SH3RF2: variants seen among roughly 807,000 people sequenced by gnomAD.
SH3RF2 encodes the protein SH3 domain containing ring finger 2, also known as E3 ubiquitin-protein ligase SH3RF2.
In SH3RF2, 43 loss-of-function variants were observed where a neutral mutation model predicts 59.0. The ratio of observed to expected loss-of-function variants is 0.73; its 90% CI spans 0.57 to 0.94. The LOEUF is 0.94. Among genes scored for constraint, SH3RF2 ranks in the 40% least tolerant of loss-of-function variants. The probability of loss-of-function intolerance (pLI) is 0.00; values close to 1 mark genes in which losing one functional copy is unlikely to be tolerated. For missense variants in SH3RF2, 930 were observed against 940.1 expected (o/e 0.99, Z 0.14); for synonymous variants, 391 against 391.5 (o/e 1.00, Z 0.01).
intron 5 of SH3RF2, among the ~76,000 whole-genome samples, chr5:146,021,301 A>T (rs1186256456): frequency 2.0e-5 from 3 of 152,178 alleles, no homozygotes; most frequent in Non-Finnish European, 4.4e-5. Flanking sequence ...TAATTTACAG[A>T]GATAAATTAA....
chr5:146,064,872 A>AAGAAAGAG, downstream of SH3RF2, among the ~76,000 whole-genome samples: 2 of 134,264 alleles, frequency 1.5e-5, no homozygotes, highest in Admixed American at 1.5e-4. Flanking sequence ...AAGAGAAAGA[A>AAGAAAGAG]AAAGAAAAAG....
chr5:145,945,707 C>T (rs1000616671), intron 2 of SH3RF2, among the ~76,000 whole-genome samples: 1 of 152,100 alleles, frequency 6.6e-6, no homozygotes, highest in African/African-American at 2.4e-5. Context: ...GGCAGAGTGA[C>T]TAGATACTTG....
At chr5:146,050,889 G>A (rs975461192) in intron 7 of SH3RF2, among the ~76,000 whole-genome samples, 1 of 152,222 alleles carries the variant, frequency 6.6e-6, no homozygotes, top group African/African-American at 2.4e-5. Context: ...GCCAAGCCAT[G>A]TGGATCTCTG....
intron 5 of SH3RF2, among the ~76,000 whole-genome samples, chr5:146,036,837 A>G (rs1044531302): frequency 1.3e-5 from 2 of 152,212 alleles, no homozygotes; most frequent in East Asian, 3.9e-4. Context: ...GAGCATAGCT[A>G]TGGGGAAGTG....
At chr5:146,054,557 T>A (rs1394366234) in intron 7 of SH3RF2, among the ~76,000 whole-genome samples, 1 of 152,164 alleles carries the variant, frequency 6.6e-6, no homozygotes, top group Non-Finnish European at 1.5e-5. Flanking sequence ...CTCTCTCTAA[T>A]GAACAGCCGT....
intron 4 of SH3RF2, among the ~76,000 whole-genome samples, chr5:146,012,094 C>T (rs960698353): frequency 6.6e-6 from 1 of 152,070 alleles, no homozygotes; most frequent in Non-Finnish European, 1.5e-5. Flanking sequence ...GCATGAAGGG[C>T]TGTTGAATTT....
chr5:146,061,082 G>A (rs182096255), intron 9 of SH3RF2, among the ~76,000 whole-genome samples: 20 of 152,238 alleles, frequency 1.3e-4, no homozygotes, highest in Non-Finnish European at 2.2e-4. Flanking sequence ...AAGAGGATGC[G>A]ATTCCCCCAT....
intron 5 of SH3RF2, among the ~76,000 whole-genome samples, chr5:146,039,778 T>C (rs575839946): frequency 1.3e-5 from 2 of 152,296 alleles, no homozygotes; most frequent in East Asian, 3.9e-4. Flanking sequence ...TTCTTGCCCA[T>C]GTGCACAGGG....
intron 9 of SH3RF2, among the ~76,000 whole-genome samples, chr5:146,076,844 A>G (rs1435506371): frequency 6.6e-6 from 1 of 152,140 alleles, no homozygotes; most frequent in Non-Finnish European, 1.5e-5. Context: ...AAGACTCCCC[A>G]AATTGATGTG....
At position 145,965,212 on chromosome 5, in the gene SH3RF2, G is replaced by GA. The variant is rs905617089; in HGVS notation, c.378+26916dup. Among the ~76,000 whole-genome samples, 118 of 148,110 alleles carry GA rather than the reference G, an allele frequency of 8.0e-4. 2 individuals are homozygous for GA. In the East Asian group the frequency reaches 0.017, roughly 21 times the overall value. On this transcript the variant is annotated intron_variant, in intron 2 of 9. Coordinates refer to ENST00000359120, the MANE Select transcript of SH3RF2 (RefSeq NM_152550.4). Reference sequence around the variant, plus strand: ...TGTCTCAAAAAAAAATTAAAATTAAGAAAAAAAAAACCTAGAACTGTATTT... The same window carrying GA: ...TGTCTCAAAAAAAAATTAAAATTAAGAAAAAAAAAAACCTAGAACTGTATTT...
intron 5 of SH3RF2, among the ~76,000 whole-genome samples, chr5:146,038,232 T>C (rs1035955200): frequency 1.1e-4 from 17 of 152,184 alleles, no homozygotes; most frequent in African/African-American, 3.4e-4. Flanking sequence ...TCATACTTAA[T>C]GGTGAAATGT....
intron 5 of SH3RF2, among the ~76,000 whole-genome samples, chr5:146,027,566 A>T (rs140440450): frequency 6.6e-6 from 1 of 152,338 alleles, no homozygotes; most frequent in Non-Finnish European, 1.5e-5. Context: ...TAAACAAATT[A>T]TTAACATACT....
chr5:145,965,197 A>C (rs1401741522), intron 2 of SH3RF2, among the ~76,000 whole-genome samples: 1 of 152,076 alleles, frequency 6.6e-6, no homozygotes, highest in Non-Finnish European at 1.5e-5. Flanking sequence ...TGTCTCAAAA[A>C]AAAATTAAAA....
At chr5:146,002,769 C>T (rs1044633452) in intron 3 of SH3RF2, among the ~76,000 whole-genome samples, 1 of 152,178 alleles carries the variant, frequency 6.6e-6, no homozygotes, top group Non-Finnish European at 1.5e-5. Context: ...CTCATAGGAG[C>T]GTGAAACCTA....
chr5:145,985,700 A>G (rs1036895458), intron 2 of SH3RF2, among the ~76,000 whole-genome samples: 2 of 152,118 alleles, frequency 1.3e-5, no homozygotes, highest in African/African-American at 4.8e-5. Context: ...ATACTTCTGG[A>G]GCTTTCATTA....
At chr5:146,058,028 C>T (rs1762746073) in intron 8 of SH3RF2, among the ~76,000 whole-genome samples, 1 of 151,164 alleles carries the variant, frequency 6.6e-6, no homozygotes, top group Non-Finnish European at 1.5e-5. Flanking sequence ...TGTTCACACT[C>T]AGTCTAGACC....
intron 9 of SH3RF2, among the ~76,000 whole-genome samples, chr5:146,068,929 G>A (rs1763169063): frequency 6.6e-6 from 1 of 152,008 alleles, no homozygotes; most frequent in Non-Finnish European, 1.5e-5. Flanking sequence ...TTTAAAAATA[G>A]TAATTGTCAA....
chr5:145,977,364 C>A (rs1759334803), intron 2 of SH3RF2, among the ~76,000 whole-genome samples: 2 of 152,192 alleles, frequency 1.3e-5, no homozygotes, highest in Admixed American at 6.5e-5. Context: ...TACATTAATT[C>A]TCATCACATA....
intron 2 of SH3RF2, among the ~76,000 whole-genome samples, chr5:145,942,225 C>A (rs1426511119): frequency 6.6e-6 from 1 of 152,208 alleles, no homozygotes; most frequent in African/African-American, 2.4e-5. Context: ...TCCGCATCAT[C>A]AATTCTTTAT....
Sources: gnomAD v4.1 joint callset for allele counts (sites outside exome capture counted in the v4.1 genomes callset) on GRCh38, gnomAD v4.1.1 for gene constraint, MANE v1.5 for transcripts, NCBI Gene and HGNC (gene_info 2026-07-23, HGNC 2026-07-21) for gene names.